The following ROBO1 variants were observed in gnomAD, a reference collection of about 807,000 sequenced individuals.
ROBO1 encodes roundabout homolog 1.
ROBO1 carries 149 observed loss-of-function variants against 195.9 expected under a neutral mutation model. The observed-to-expected ratio is 0.76, with a 90% confidence interval of 0.67 to 0.87. ROBO1 has a LOEUF of 0.87. Among genes scored for constraint, ROBO1 ranks in the 40% least tolerant of loss-of-function variants. The pLI is 0.00. For synonymous variants in ROBO1, 816 were observed against 733.2 expected, an observed-to-expected ratio of 1.11 and a Z score of -1.82; for missense variants, 1,933 against 2,068.3, an observed-to-expected ratio of 0.93 and a Z score of 1.27.
At position 79,623,929 on chromosome 3, in the gene ROBO1, G is replaced by A. The variant is rs562453179; in HGVS notation, c.-50-33968C>T. Among the ~76,000 whole-genome samples, 4 of 152,254 alleles carry A rather than the reference G, an allele frequency of 2.6e-5. No individual in the cohort carries two copies. In the South Asian group the frequency reaches 8.3e-4, roughly 32 times the overall value. On this transcript the variant is annotated intron_variant, in intron 1 of 30. Transcript: ENST00000464233. Reference sequence around the variant, plus strand: ...CCAAGGTCAAAATGAAGGAAAAAATGTTAAGGGCAGCCAGAGAGAAAGGCC... The same window carrying A: ...CCAAGGTCAAAATGAAGGAAAAAATATTAAGGGCAGCCAGAGAGAAAGGCC...
At chr3:79,550,211 G>GAAA (rs1329199309) in intron 2 of ROBO1, among the ~76,000 whole-genome samples, 1 of 138,028 alleles carries the variant, frequency 7.2e-6, no homozygotes, top group Non-Finnish European at 1.6e-5. Context: ...GAAAAGAAAA[G>GAAA]AAAAGAAAAG....
At chr3:79,281,724 A>G (rs907034738) in intron 2 of ROBO1, among the ~76,000 whole-genome samples, 1 of 152,206 alleles carries the variant, frequency 6.6e-6, no homozygotes, top group African/African-American at 2.4e-5. Context: ...AGTTGAGAAG[A>G]AAGTTATTGC....
intron 2 of ROBO1, among the ~76,000 whole-genome samples, chr3:79,174,423 A>G (rs1209802414): frequency 6.6e-6 from 1 of 152,118 alleles, no homozygotes; most frequent in African/African-American, 2.4e-5. Context: ...AACATTGGAA[A>G]GAACAAACTC....
chr3:78,717,285 G>C lies in ROBO1; in HGVS notation c.907C>G (p.Pro303Ala). Reference sequence around the variant, plus strand: ...AACTCTGATGTGTACCTGGATTTGGGCAGCTCTCCATCATCTTTCCTCCAT... The same window carrying C: ...AACTCTGATGTGTACCTGGATTTGGCCAGCTCTCCATCATCTTTCCTCCAT... ...VRWRKDDGEL[P>A]KSRYEIRDDH... The change falls in exon 7 of 31, where the codon CCC (proline) becomes GCC (alanine). Residue 303 changes from proline (P) to alanine (A), a missense_variant. By Grantham distance (27) the Pro-to-Ala change is conservative. Transcript: ENST00000464233. 8 of 1,572,412 alleles carry C rather than the reference G, an allele frequency of 5.1e-6. No individual in the cohort carries two copies. The highest frequency in any genetic ancestry group is 6.9e-6 in the Non-Finnish European group (8 of 1,163,804).
At chr3:78,698,283 CAT>C in intron 8 of ROBO1, among the ~76,000 whole-genome samples, 1 of 152,074 alleles carries the variant, frequency 6.6e-6, no homozygotes, top group Admixed American at 6.6e-5. Flanking sequence ...AAATTATATA[CAT>C]AGATACTCAT....
chr3:79,259,031 G>A (rs977532755), intron 2 of ROBO1, among the ~76,000 whole-genome samples: 1 of 152,050 alleles, frequency 6.6e-6, no homozygotes, highest in Admixed American at 6.6e-5. Context: ...TTTGGATCTT[G>A]ACCCTAAACT....
At chr3:79,122,892 G>T (rs1373268618) in intron 3 of ROBO1, among the ~76,000 whole-genome samples, 3 of 151,778 alleles carry the variant, frequency 2.0e-5, no homozygotes, top group African/African-American at 7.2e-5. Context: ...TAGGGTGAGG[G>T]AGAAAAGTCT....
chr3:78,958,167 C>CT (rs1195221608), intron 3 of ROBO1, among the ~76,000 whole-genome samples: 1 of 152,138 alleles, frequency 6.6e-6, no homozygotes, highest in East Asian at 1.9e-4. Flanking sequence ...GCATAAACGT[C>CT]TGCTTTGGAA....
intron 2 of ROBO1, among the ~76,000 whole-genome samples, chr3:79,213,325 T>C (rs2081998774): frequency 6.6e-6 from 1 of 152,182 alleles, no homozygotes; most frequent in Admixed American, 6.5e-5. Flanking sequence ...CATATTATTT[T>C]ATTTGAACTT....
chr3:79,078,318 A>G (rs760638585), intron 3 of ROBO1, among the ~76,000 whole-genome samples: 25 of 151,802 alleles, frequency 1.6e-4, no homozygotes, highest in Non-Finnish European at 7.4e-5. Flanking sequence ...TCTTGGATAT[A>G]AGATAGGCCT....
At chr3:79,306,857 A>G (rs1284511315) in intron 2 of ROBO1, among the ~76,000 whole-genome samples, 1 of 152,210 alleles carries the variant, frequency 6.6e-6, no homozygotes, top group African/African-American at 2.4e-5. Context: ...ATAAAAATGT[A>G]AAAGGAATAT....
chr3:79,538,154 G>T (rs1384814657), intron 2 of ROBO1, among the ~76,000 whole-genome samples: 3 of 151,996 alleles, frequency 2.0e-5, no homozygotes, highest in Non-Finnish European at 4.4e-5. Flanking sequence ...TATAATTTTA[G>T]GTAACATTAT....
At chr3:79,129,378 G>C (rs1429482610) in intron 2 of ROBO1, among the ~76,000 whole-genome samples, 1 of 151,780 alleles carries the variant, frequency 6.6e-6, no homozygotes, top group Non-Finnish European at 1.5e-5. Context: ...CAATATATAA[G>C]GTTATATGTG....
intron 2 of ROBO1, among the ~76,000 whole-genome samples, chr3:79,496,938 T>C (rs1939780561): frequency 6.6e-6 from 1 of 152,218 alleles, no homozygotes; most frequent in Non-Finnish European, 1.5e-5. Context: ...CCTGTCAATG[T>C]TGCTTTGCTC....
intron 3 of ROBO1, among the ~76,000 whole-genome samples, chr3:79,046,706 G>A (rs2078600985): frequency 6.6e-6 from 1 of 152,050 alleles, no homozygotes; most frequent in African/African-American, 2.4e-5. Flanking sequence ...CCTGCATTAT[G>A]TTCGCTGGCA....
intron 4 of ROBO1, among the ~76,000 whole-genome samples, chr3:78,754,868 G>C (rs1385634341): frequency 6.6e-6 from 1 of 152,170 alleles, no homozygotes; most frequent in East Asian, 1.9e-4. Context: ...CCTGAGTAAT[G>C]AGTAAAACTT....
intron 5 of ROBO1, among the ~76,000 whole-genome samples, chr3:78,731,611 T>C (rs1350762085): frequency 1.3e-5 from 2 of 152,172 alleles, no homozygotes; most frequent in Non-Finnish European, 2.9e-5. Context: ...AGAATTCTTA[T>C]GATTTCAGTC....
chr3:78,664,098 G>C (rs1335945096), intron 14 of ROBO1, among the ~76,000 whole-genome samples: 1 of 152,086 alleles, frequency 6.6e-6, no homozygotes, highest in African/African-American at 2.4e-5. Flanking sequence ...ACAGCAGAGA[G>C]AAAAAGGGAA....
At chr3:79,283,803 T>C (rs1016010160) in intron 2 of ROBO1, among the ~76,000 whole-genome samples, 6 of 151,310 alleles carry the variant, frequency 4.0e-5, no homozygotes, top group African/African-American at 1.2e-4. Context: ...GTTCACGCCA[T>C]TCTCCTGCCT....
Sources: gnomAD v4.1 joint callset for allele counts (sites outside exome capture counted in the v4.1 genomes callset) on GRCh38, gnomAD v4.1.1 for gene constraint, MANE v1.5 for transcripts, NCBI Gene and HGNC (gene_info 2026-07-23, HGNC 2026-07-21) for gene names.